MAN1C1: variants seen among roughly 807,000 people sequenced by gnomAD.
The protein encoded by MAN1C1 is mannosidase alpha class 1C member 1, also known as mannosyl-oligosaccharide 1,2-alpha-mannosidase IC.
MAN1C1 carries 49 observed loss-of-function variants against 71.5 expected under a neutral mutation model. That is an observed-to-expected ratio of 0.69 (90% CI 0.54 to 0.87). The LOEUF (loss-of-function observed/expected upper bound fraction) is 0.87. MAN1C1 is among the 40% of genes least tolerant of loss of function. MAN1C1 has a pLI of 0.00. For synonymous variants in MAN1C1, 352 were observed against 343.7 expected (o/e 1.02, Z -0.27); for missense variants, 743 against 835.0 (o/e 0.89, Z 1.36).
rs147558778 is a variant in MAN1C1 at position 25,781,384 on chromosome 1, A to AG, written c.1650+273dup. ...CCTGGGACCAGGCCTCAGCAAACTT[A>AG]GAGGGTCAGAGGCTAGGCAGCTGCC... On this transcript the variant is annotated intron_variant, in intron 10 of 11. Coordinates refer to ENST00000374332, the MANE Select transcript of MAN1C1 (RefSeq NM_020379.4). The AG allele has an allele frequency of 1.8e-3, 667 of 363,976 alleles. 5 individuals carry two copies. Among genetic ancestry groups the AG allele is most frequent in the African/African-American group, 0.013 (623 of 48,160 alleles). The allele number at this position is 363,976 out of a possible 1,614,324, so 22.5% of individuals were successfully genotyped here.
chr1:25,728,053 C>T (rs899146250), intron 2 of MAN1C1, among the ~76,000 whole-genome samples: 6 of 152,334 alleles, frequency 3.9e-5, no homozygotes, highest in Non-Finnish European at 7.3e-5. Context: ...GACTGCTTCC[C>T]GGGGCAGCTT....
intron 6 of MAN1C1, 158 bp from the exon 7 acceptor site, chr1:25,763,716 G>A (rs966894718): frequency 1.4e-5 from 9 of 638,332 alleles, no homozygotes; most frequent in African/African-American, 1.1e-4. Context: ...CACCATCCCC[G>A]GGTTGGAGCC....
intron 1 of MAN1C1, among the ~76,000 whole-genome samples, chr1:25,671,362 T>C (rs1458762216): frequency 6.6e-6 from 1 of 152,236 alleles, no homozygotes; most frequent in African/African-American, 2.4e-5. Context: ...AGGTAATGCA[T>C]GAGCCATTGT....
intron 1 of MAN1C1, among the ~76,000 whole-genome samples, chr1:25,682,208 T>C (rs915180098): frequency 6.6e-5 from 10 of 152,210 alleles, no homozygotes; most frequent in African/African-American, 2.4e-4. Flanking sequence ...ATGTTTCCGT[T>C]CAAAACCTGA....
chr1:25,720,490 T>C (rs1277981857), intron 2 of MAN1C1, among the ~76,000 whole-genome samples: 2 of 152,184 alleles, frequency 1.3e-5, no homozygotes, highest in African/African-American at 4.8e-5. Context: ...AGATTACAGG[T>C]GTGAACCACC....
At chr1:25,704,414 AG>A (rs1194665141) in intron 2 of MAN1C1, among the ~76,000 whole-genome samples, 1 of 152,212 alleles carries the variant, frequency 6.6e-6, no homozygotes, top group Non-Finnish European at 1.5e-5. Flanking sequence ...ACCCAATCCC[AG>A]ACAGCAGGAC....
In MAN1C1 at chr1:25,758,692, C is replaced by T; in HGVS notation, c.1030C>T (p.Gln344Ter). 3 of 1,613,948 alleles carry T rather than the reference C, an allele frequency of 1.9e-6. No individual in the cohort carries two copies. Among genetic ancestry groups the T allele is most frequent in the Non-Finnish European group, 1.7e-6 (2 of 1,179,834 alleles). ...ACACCTCACTGAACTCTCTGGCAAC[C>T]AGGTCTTCGCTGAAAAGGCAAGTCT... ...FLHLTELSGN[Q>*]VFAEKVRNIR... The change falls in exon 6 of 12, where the codon CAG becomes TAG. Residue 344 changes from glutamine (Q) to a stop codon, truncating the protein, a stop_gained. Coordinates refer to ENST00000374332, the MANE Select transcript of MAN1C1 (RefSeq NM_020379.4). LOFTEE classifies it high-confidence loss of function.
chr1:25,732,681 C>T (rs1020922579), intron 2 of MAN1C1, among the ~76,000 whole-genome samples: 3 of 152,156 alleles, frequency 2.0e-5, no homozygotes, highest in Non-Finnish European at 4.4e-5. Context: ...TGGATCCAAG[C>T]GTGGGTTTCC....
chr1:25,726,656 G>A (rs1244955826), intron 2 of MAN1C1, among the ~76,000 whole-genome samples: 1 of 152,112 alleles, frequency 6.6e-6, no homozygotes, highest in Non-Finnish European at 1.5e-5. Context: ...CTTATTTGCT[G>A]TGCAGCTTTG....
At chr1:25,679,330 T>C (rs939971032) in intron 1 of MAN1C1, among the ~76,000 whole-genome samples, 12 of 152,158 alleles carry the variant, frequency 7.9e-5, no homozygotes, top group Non-Finnish European at 1.8e-4. Context: ...AGTTCCTAAT[T>C]TGTTCACCAG....
chr1:25,678,636 G>A (rs753720179), intron 1 of MAN1C1, among the ~76,000 whole-genome samples: 5 of 152,152 alleles, frequency 3.3e-5, no homozygotes, highest in Admixed American at 6.5e-5. Flanking sequence ...TGTGCACAGA[G>A]ATGTTCACTA....
intron 1 of MAN1C1, among the ~76,000 whole-genome samples, chr1:25,624,179 C>G (rs1378888637): frequency 6.6e-6 from 1 of 152,196 alleles, no homozygotes; most frequent in Admixed American, 6.5e-5. Context: ...TCAAAGAATT[C>G]CAAGGACTCA....
At chr1:25,770,747 CCTT>C (rs1470397864) in intron 7 of MAN1C1, among the ~76,000 whole-genome samples, 10 of 150,576 alleles carry the variant, frequency 6.6e-5, no homozygotes, top group Non-Finnish European at 1.0e-4. Flanking sequence ...CTGTCTGCCC[CCTT>C]CTTCTGCTGA....
Position 25,631,273 on chromosome 1 carries a change from CTA to C in MAN1C1, c.540+12938_540+12939del, listed in dbSNP as rs1320891372. On this transcript the variant is annotated intron_variant, in intron 1 of 11. Coordinates refer to ENST00000374332, the MANE Select transcript of MAN1C1 (RefSeq NM_020379.4). This position sits in a 1 kb window ranked among gnomAD's most constrained non-coding sequence, Gnocchi z 4.2. ...ATGAGCCACCGCACCCAGCCCAGTG[CTA>C]TGTTTAATAGAAGTAGTGAAAGTCG... Among the ~76,000 whole-genome samples, 1 of 152,120 alleles carries C rather than the reference CTA, an allele frequency of 6.6e-6. No individual in the cohort carries two copies. Among genetic ancestry groups the C allele is most frequent in the Non-Finnish European group, 1.5e-5 (1 of 68,022 alleles).
rs556280415 is a variant in MAN1C1 at position 25,746,621 on chromosome 1, A to G, written c.638-47A>G. Reference sequence around the variant, plus strand: ...ACGGTGGCTTGTCCAGTTGGGGAAAAGAGAAAGATGGCCCTGGGTCACACC... The same window carrying G: ...ACGGTGGCTTGTCCAGTTGGGGAAAGGAGAAAGATGGCCCTGGGTCACACC... On this transcript the variant is annotated intron_variant, in intron 2 of 11. Transcript: ENST00000374332. This position sits in a 1 kb window ranked among gnomAD's most constrained non-coding sequence, Gnocchi z 4.0. The G allele has an allele frequency of 3.5e-5, 50 of 1,438,796 alleles. No homozygotes were observed. In the African/African-American group the frequency reaches 3.9e-4, roughly 11 times the overall value. 89.1% of individuals were successfully genotyped at this position (1,438,796 alleles called of 1,614,324 possible). A position where few individuals can be genotyped will look rare whatever the true frequency, so the allele number is the denominator to read the frequency against.
At chr1:25,777,716 T>C in intron 8 of MAN1C1, 1 of 183,670 alleles carries the variant, frequency 5.4e-6, no homozygotes, top group Non-Finnish European at 1.1e-5. Context: ...AAGTGTTGGG[T>C]ACAGTTTTAA....
In MAN1C1 at chr1:25,746,001, A is replaced by G. The variant is rs576236943; in HGVS notation, c.638-667A>G. 4.3e-4 allele frequency among the ~76,000 whole-genome samples: 66 copies of G among 152,006 alleles called. No individual in the cohort carries two copies. The highest frequency in any genetic ancestry group is 7.5e-4 in the Non-Finnish European group (51 of 68,004). On this transcript the variant is annotated intron_variant, in intron 2 of 11. Transcript: ENST00000374332. This position sits in a 1 kb window ranked among gnomAD's most constrained non-coding sequence, Gnocchi z 4.0. Reference sequence around the variant, plus strand: ...ACAAGATTCTGTCTCCAAAAAAAAAAGATTTTTGTATGCCAGGCTGGATGA... The same window carrying G: ...ACAAGATTCTGTCTCCAAAAAAAAAGGATTTTTGTATGCCAGGCTGGATGA...
chr1:25,737,016 GC>G (rs1286996062), intron 2 of MAN1C1, among the ~76,000 whole-genome samples: 1 of 152,210 alleles, frequency 6.6e-6, no homozygotes, highest in Admixed American at 6.5e-5. Flanking sequence ...TCACAGCTCT[GC>G]CCTGAGTTTT....
intron 1 of MAN1C1, among the ~76,000 whole-genome samples, chr1:25,676,372 G>A (rs1316090546): frequency 1.3e-5 from 2 of 152,140 alleles, no homozygotes; most frequent in Non-Finnish European, 2.9e-5. Context: ...CCCCACCCGT[G>A]CCCAGCTTCT....
Sources: gnomAD v4.1 joint callset for allele counts (sites outside exome capture counted in the v4.1 genomes callset) on GRCh38, gnomAD v4.1.1 for gene constraint, Gnocchi (gnomAD v3.1) non-coding constraint, MANE v1.5 for transcripts, NCBI Gene and HGNC (gene_info 2026-07-23, HGNC 2026-07-21) for gene names.